The following WDR11 variants were observed in gnomAD, a reference collection of about 807,000 sequenced individuals.
The protein encoded by WDR11 is WD repeat domain 11.
A neutral mutation model predicts 151.2 loss-of-function variants in WDR11; 83 were observed. That is an observed-to-expected ratio of 0.55 (90% CI 0.46 to 0.66). The LOEUF (loss-of-function observed/expected upper bound fraction) is 0.66, where lower values mean the gene tolerates loss of function less well. Ranked by LOEUF, WDR11 falls within the 30% of genes least tolerant of loss-of-function variation. The probability of loss-of-function intolerance (pLI) is 0.00; values close to 1 mark genes in which losing one functional copy is unlikely to be tolerated. For missense variants in WDR11, 1,301 were observed against 1,480.9 expected (o/e 0.88, Z 1.99); for synonymous variants, 484 against 533.1 (o/e 0.91, Z 1.27).
intron 12 of WDR11, chr10:120,880,596 T>G: frequency 2.2e-6 from 1 of 453,414 alleles, no homozygotes; most frequent in Admixed American, 3.5e-5. Context: ...GAGGCGGAGG[T>G]TGCAGTGAGC....
At position 120,904,160 on chromosome 10, in the gene WDR11, ACT is replaced by A; in HGVS notation, c.3027+21_3027+22del. The stretch of plus-strand genomic sequence containing the variant: ...TGGGTCAAGTATGTCAGTTTTTATA[ACT>A]CTACATGCTTCATTAAATTGCTAGT... On this transcript the variant is annotated intron_variant, in intron 24 of 28. Transcript: ENST00000263461. 3.2e-6 allele frequency: 5 copies of A among 1,540,790 alleles called. No homozygotes were observed. The highest frequency in any genetic ancestry group is 4.5e-6 in the Non-Finnish European group (5 of 1,113,650).
chr10:120,878,210 A>G (rs988518676), intron 11 of WDR11, 143 bp from the exon 12 acceptor site: 31 of 636,866 alleles, frequency 4.9e-5, no homozygotes, highest in Non-Finnish European at 7.7e-5. Context: ...ATAAAAGGTC[A>G]TGTTAAGATA....
intron 2 of WDR11, among the ~76,000 whole-genome samples, chr10:120,857,057 C>T (rs74158328): frequency 0.062 from 9,472 of 152,060 alleles, 972 homozygotes; most frequent in African/African-American, 0.22. Flanking sequence ...GCCAACAACA[C>T]ATGCCTGAGC....
At chr10:120,906,605 G>A (rs1196434964) in intron 27 of WDR11, 171 bp from the exon 28 acceptor site, 2 of 1,484,650 alleles carry the variant, frequency 1.3e-6, no homozygotes, top group East Asian at 2.5e-5. Context: ...GGAGATGTGA[G>A]TATTCTTCCC....
intron 13 of WDR11, among the ~76,000 whole-genome samples, chr10:120,882,225 G>A (rs1039476424): frequency 1.3e-5 from 2 of 151,926 alleles, no homozygotes; most frequent in Non-Finnish European, 2.9e-5. Flanking sequence ...CTAGTTGGTC[G>A]TGATGTATTA....
In WDR11 at chr10:120,870,595, G is replaced by A. The variant is rs1481446450; in HGVS notation, c.1295-575G>A. On this transcript the variant is annotated intron_variant, in intron 9 of 28. Coordinates refer to ENST00000263461, the MANE Select transcript of WDR11 (RefSeq NM_018117.12). Reference sequence around the variant, plus strand: ...CAGTGATGGTGTATATATTATACACGTGATTTATGAATATATATATTTGTA... The same window carrying A: ...CAGTGATGGTGTATATATTATACACATGATTTATGAATATATATATTTGTA... 2.6e-5 allele frequency among the ~76,000 whole-genome samples: 4 copies of A among 152,206 alleles called. No individual in the cohort carries two copies. In the East Asian group the frequency reaches 5.8e-4, roughly 22 times the overall value.
Position 120,851,500 on chromosome 10 carries a change from T to G in WDR11, c.80T>G (p.Val27Gly), listed in dbSNP as rs532385488. 3.6e-5 allele frequency: 58 copies of G among 1,610,856 alleles called. No individual in the cohort carries two copies. In the South Asian group the frequency reaches 6.3e-4, roughly 18 times the overall value. Residue 27 changes from valine to glycine, a missense_variant, in exon 1 of 29, where the codon GTG becomes GGG. By Grantham distance (109) the Val-to-Gly change is moderately radical. Around this residue, in one of 3 missense-constraint regions of WDR11, gnomAD observed 692 missense variants for 762.5 expected, o/e 0.91. Coordinates refer to ENST00000263461, the MANE Select transcript of WDR11 (RefSeq NM_018117.12). ...GALNAHNKAA[V>G]DWGWQGLIAY... ...CTCAACGCCCACAACAAGGCGGCGG[T>G]GGACTGGTGAGGACGCCGAGCTTCC...
intron 11 of WDR11, among the ~76,000 whole-genome samples, chr10:120,876,195 G>T (rs1053298480): frequency 1.3e-5 from 2 of 151,668 alleles, no homozygotes; most frequent in Non-Finnish European, 2.9e-5. Context: ...GGTCAGGCCG[G>T]TCTTGAATTC....
intron 5 of WDR11, among the ~76,000 whole-genome samples, chr10:120,863,562 A>G (rs1025859719): frequency 1.3e-5 from 2 of 152,234 alleles, no homozygotes; most frequent in Non-Finnish European, 2.9e-5. Flanking sequence ...GTCGGCTGTT[A>G]TTAAGAAATT....
In WDR11 at chr10:120,851,438, G is replaced by C. The variant is rs745322136; in HGVS notation, c.18G>C (p.Val6=). The C allele has an allele frequency of 6.2e-7, 1 of 1,611,838 alleles. No individual in the cohort carries two copies. The highest frequency in any genetic ancestry group is 8.5e-7 in the Non-Finnish European group (1 of 1,179,636). The stretch of plus-strand genomic sequence containing the variant: ...CCGCCGGGATGTTGCCCTACACAGT[G>C]AACTTCAAGGTGTCGGCGCGCACCC... MLPYT[V]NFKVSARTLT... is the part of the protein sequence containing the mutation. The change falls in exon 1 of 29, where the codon GTG becomes GTC. Residue 6 remains valine, a synonymous_variant. Transcript: ENST00000263461.
chr10:120,897,900 GTAT>G (rs1160864859), intron 19 of WDR11, among the ~76,000 whole-genome samples: 3 of 152,028 alleles, frequency 2.0e-5, no homozygotes, highest in African/African-American at 7.2e-5. Context: ...TAAAAAAAAA[GTAT>G]TATTAAAAAT....
chr10:120,880,087 A>G (rs760346488), intron 12 of WDR11: 14 of 152,162 alleles, frequency 9.2e-5, no homozygotes, highest in Non-Finnish European at 1.6e-4. Context: ...ATGTTTCAAG[A>G]GTTTTTCCCC....
intron 19 of WDR11, among the ~76,000 whole-genome samples, chr10:120,893,342 A>G (rs558340933): frequency 6.6e-6 from 1 of 152,056 alleles, no homozygotes; most frequent in Admixed American, 6.5e-5. Context: ...AATGACATGA[A>G]CTCATCATTC....
At position 120,909,310 on chromosome 10, in the gene WDR11, T is replaced by C. The variant is rs1179765005; in HGVS notation, c.*597T>C. ...GAGGACCATAGGAGGTTTTAAGATT[T>C]ATGTTTAGTCCGATAGGTGAGGTCT... is the stretch of plus-strand genomic sequence containing the variant. On this transcript the variant is annotated 3_prime_UTR_variant, in exon 29 of 29. Coordinates refer to ENST00000263461, the MANE Select transcript of WDR11 (RefSeq NM_018117.12). The C allele has an allele frequency of 1.3e-5, 2 of 154,598 alleles. No homozygotes were observed. The highest frequency in any genetic ancestry group is 1.3e-4 in the Admixed American group (2 of 15,654). The allele number at this position is 154,598 out of a possible 1,614,324, so 9.6% of individuals were successfully genotyped here.
In WDR11 at chr10:120,883,771, T is replaced by C; in HGVS notation, c.1740-9T>C. 6.2e-7 allele frequency: 1 copy of C among 1,612,966 alleles called. No homozygotes were observed. ...AAAGGGGCTTATTTAGTAATTTTGT[T>C]TATTTTAGGCAGTATTTGGCAGTCG... On this transcript the variant is annotated splice_polypyrimidine_tract_variant and intron_variant, in intron 13 of 28. Coordinates refer to ENST00000263461, the MANE Select transcript of WDR11 (RefSeq NM_018117.12).
chr10:120,851,370 C>T lies in WDR11; in HGVS notation c.-51C>T. 3.9e-6 allele frequency: 6 copies of T among 1,543,494 alleles called. No individual in the cohort carries two copies. The highest frequency in any genetic ancestry group is 1.2e-5 in the South Asian group (1 of 85,446). On this transcript the variant is annotated 5_prime_UTR_variant, in exon 1 of 29. Transcript: ENST00000263461. ...CTGTTTGGAACGGAAGCACAGTGTC[C>T]GCCGCTTCCTGGTTGCGGGTCAGCG...
chr10:120,871,932 T>C (rs1274650700), intron 10 of WDR11, among the ~76,000 whole-genome samples: 1 of 152,214 alleles, frequency 6.6e-6, no homozygotes, highest in East Asian at 1.9e-4. Flanking sequence ...ATGAACCTAA[T>C]TTTCTTTACA....
intron 3 of WDR11, 99 bp from the exon 4 acceptor site, chr10:120,860,010 A>G: frequency 7.0e-7 from 1 of 1,420,264 alleles, no homozygotes; most frequent in Non-Finnish European, 9.9e-7. Context: ...TAAGTTTTTA[A>G]AGATTATATT....
At chr10:120,888,964 G>T (rs190606805) in intron 16 of WDR11, 114 bp from the exon 17 acceptor site, 1 of 778,454 alleles carries the variant, frequency 1.3e-6, no homozygotes, top group South Asian at 1.7e-5. Context: ...AGGATTTGAT[G>T]ACTAAAAGCA....
Sources: gnomAD v4.1 joint callset for allele counts (sites outside exome capture counted in the v4.1 genomes callset) on GRCh38, gnomAD v4.1.1 for gene constraint, gnomAD v4.1.1 regional missense constraint, MANE v1.5 for transcripts, NCBI Gene and HGNC (gene_info 2026-07-23, HGNC 2026-07-21) for gene names.